Variants in DLGAP1 observed in about 807,000 individuals in gnomAD.
The protein encoded by DLGAP1 is disks large-associated protein 1.
A neutral mutation model predicts 90.8 loss-of-function variants in DLGAP1; 11 were observed. That is an observed-to-expected ratio of 0.12 (90% CI 0.08 to 0.20). The LOEUF is 0.20. Ranked by LOEUF, DLGAP1 falls within the 10% of genes least tolerant of loss-of-function variation. The pLI is 1.00. For missense variants in DLGAP1, 1,050 were observed against 1,333.8 expected (o/e 0.79, Z 3.31); for synonymous variants, 558 against 540.7 (o/e 1.03, Z -0.44).
chr18:3,511,971 C>T (rs1190723744), intron 10 of DLGAP1, among the ~76,000 whole-genome samples: 3 of 152,044 alleles, frequency 2.0e-5, no homozygotes, highest in Non-Finnish European at 4.4e-5. Context: ...CAGTAGCACC[C>T]ATAGTCAACA....
At chr18:4,442,151 C>T (rs529785408) in intron 1 of DLGAP1, among the ~76,000 whole-genome samples, 10 of 152,208 alleles carry the variant, frequency 6.6e-5, no homozygotes, top group Admixed American at 5.2e-4. Flanking sequence ...GCCACCATGC[C>T]GGGATATTTT....
At chr18:3,600,827 G>GAT (rs374064476) in intron 7 of DLGAP1, among the ~76,000 whole-genome samples, 1 of 12,206 alleles carries the variant, frequency 8.2e-5, no homozygotes, top group Non-Finnish European at 1.7e-4. Context: ...TAGATATATA[G>GAT]ATATATATAG....
chr18:3,837,150 A>G (rs922238709), intron 4 of DLGAP1, among the ~76,000 whole-genome samples: 6 of 152,232 alleles, frequency 3.9e-5, no homozygotes, highest in African/African-American at 1.4e-4. Flanking sequence ...TGTGTTTTCT[A>G]TCTTCCTTCC....
At chr18:3,751,123 A>G (rs529728798) in intron 5 of DLGAP1, among the ~76,000 whole-genome samples, 58 of 152,208 alleles carry the variant, frequency 3.8e-4, no homozygotes, top group Non-Finnish European at 7.5e-4. Context: ...TGGCACTTAA[A>G]TGTCTTACTT....
chr18:3,721,235 T>C (rs527857287), intron 7 of DLGAP1, among the ~76,000 whole-genome samples: 45 of 152,304 alleles, frequency 3.0e-4, no homozygotes, highest in African/African-American at 1.1e-3. Context: ...AGAATTACAT[T>C]AGTTTAGTAT....
At chr18:3,756,337 C>T (rs2031782941) in intron 5 of DLGAP1, among the ~76,000 whole-genome samples, 1 of 151,974 alleles carries the variant, frequency 6.6e-6, no homozygotes, top group African/African-American at 2.4e-5. Flanking sequence ...GTGTGAGCCA[C>T]CACGCCTGGC....
At chr18:4,167,575 A>G (rs574981554) in intron 1 of DLGAP1, among the ~76,000 whole-genome samples, 1 of 152,346 alleles carries the variant, frequency 6.6e-6, no homozygotes, top group South Asian at 2.1e-4. Flanking sequence ...AAGTAGCTCT[A>G]TAATCATAGT....
intron 6 of DLGAP1, among the ~76,000 whole-genome samples, chr18:3,731,848 A>C (rs2062444355): frequency 6.6e-6 from 1 of 152,202 alleles, no homozygotes. Context: ...ACCACTACCC[A>C]GATCAAGAAG....
intron 7 of DLGAP1, among the ~76,000 whole-genome samples, chr18:3,626,900 C>CA (rs1211921683): frequency 2.0e-5 from 3 of 150,942 alleles, no homozygotes; most frequent in Admixed American, 6.6e-5. Context: ...CTCTGTCTCA[C>CA]AAAAAAAAGA....
chr18:3,659,855 C>T (rs1021870319), intron 7 of DLGAP1, among the ~76,000 whole-genome samples: 12 of 152,172 alleles, frequency 7.9e-5, no homozygotes, highest in African/African-American at 2.9e-4. Flanking sequence ...TGAGCCACCG[C>T]GCCCGGCCTA....
intron 8 of DLGAP1, among the ~76,000 whole-genome samples, chr18:3,579,424 A>G (rs1038509570): frequency 5.9e-5 from 9 of 152,158 alleles, no homozygotes; most frequent in Non-Finnish European, 1.0e-4. Context: ...TGGTCAGGCT[A>G]GTCTCGAACT....
intron 9 of DLGAP1, among the ~76,000 whole-genome samples, chr18:3,550,448 A>G (rs1476612329): frequency 2.6e-5 from 4 of 151,676 alleles, no homozygotes; most frequent in Admixed American, 6.6e-5. Flanking sequence ...CTGGTCTGGA[A>G]CTCCTAGACT....
intron 3 of DLGAP1, among the ~76,000 whole-genome samples, chr18:4,004,366 C>A (rs761924895): frequency 3.0e-5 from 4 of 133,884 alleles, no homozygotes; most frequent in Non-Finnish European, 6.0e-5. Flanking sequence ...GAACAGCTAC[C>A]CCCGAGGCCC....
rs1046170100 is a variant in DLGAP1 at position 4,010,603 on chromosome 18, CAACAAA to C, written c.-158-5408_-158-5403del. Reference sequence around the variant, plus strand: ...AATCATGAGAATGAAGCATTTGAGGCAACAAAAAGCATAGGAATCATACAACTGTGT... The same window carrying C: ...AATCATGAGAATGAAGCATTTGAGGCAAGCATAGGAATCATACAACTGTGT... On this transcript the variant is annotated intron_variant, in intron 2 of 12. Coordinates refer to ENST00000315677, the MANE Select transcript of DLGAP1 (RefSeq NM_004746.4). 2.0e-4 allele frequency among the ~76,000 whole-genome samples: 31 copies of C among 151,952 alleles called. 1 individual carries two copies. Among genetic ancestry groups the C allele is most frequent in the African/African-American group, 7.5e-4 (31 of 41,360 alleles).
At chr18:3,583,980 T>C (rs1175891536) in intron 7 of DLGAP1, among the ~76,000 whole-genome samples, 1 of 152,054 alleles carries the variant, frequency 6.6e-6, no homozygotes, top group Admixed American at 6.6e-5. Context: ...TCTAGGCTGC[T>C]GAGTACAATT....
intron 2 of DLGAP1, among the ~76,000 whole-genome samples, chr18:4,080,264 T>C (rs2075586340): frequency 6.6e-6 from 1 of 152,248 alleles, no homozygotes; most frequent in Non-Finnish European, 1.5e-5. Flanking sequence ...TGGGTCTTAA[T>C]GAAATTTTAT....
intron 2 of DLGAP1, among the ~76,000 whole-genome samples, chr18:4,026,239 A>G (rs1199553990): frequency 6.6e-6 from 1 of 152,214 alleles, no homozygotes; most frequent in Non-Finnish European, 1.5e-5. Flanking sequence ...TGAACTGTTG[A>G]AACCATGCCA....
At chr18:4,284,221 C>T (rs1388336892) in intron 1 of DLGAP1, among the ~76,000 whole-genome samples, 1 of 129,386 alleles carries the variant, frequency 7.7e-6, no homozygotes, top group African/African-American at 2.8e-5. Flanking sequence ...AAAAAAAAAT[C>T]AAGTGTGGCC....
At chr18:3,923,136 A>AAAC (rs2072304796) in intron 3 of DLGAP1, among the ~76,000 whole-genome samples, 2 of 149,630 alleles carry the variant, frequency 1.3e-5, no homozygotes, top group South Asian at 2.1e-4. Flanking sequence ...CCTGTCTCAA[A>AAAC]AAAAAAAAAA....
Sources: gnomAD v4.1 joint callset for allele counts (sites outside exome capture counted in the v4.1 genomes callset) on GRCh38, gnomAD v4.1.1 for gene constraint, MANE v1.5 for transcripts, NCBI Gene and HGNC (gene_info 2026-07-23, HGNC 2026-07-21) for gene names.